Variants in ANKRD11 observed in about 807,000 individuals in gnomAD.
The protein encoded by ANKRD11 is ankyrin repeat domain-containing protein 11.
A neutral mutation model predicts 195.7 loss-of-function variants in ANKRD11; 17 were observed. That is an observed-to-expected ratio of 0.09 (90% CI 0.06 to 0.13). The LOEUF (loss-of-function observed/expected upper bound fraction) is 0.13, where lower values mean the gene tolerates loss of function less well. ANKRD11 is among the 10% of genes least tolerant of loss of function. The pLI is 1.00. For missense variants in ANKRD11, 3,735 were observed against 3,566.1 expected (o/e 1.05, Z -1.21); for synonymous variants, 1,953 against 1,528.1 (o/e 1.28, Z -6.49).
intron 2 of ANKRD11, among the ~76,000 whole-genome samples, chr16:89,400,892 C>T (rs1032172109): frequency 2.6e-5 from 4 of 152,112 alleles, no homozygotes; most frequent in African/African-American, 7.2e-5. Flanking sequence ...GGACGCCTGT[C>T]GCCCTCCACC....
chr16:89,439,849 A>G (rs976800104), intron 1 of ANKRD11, among the ~76,000 whole-genome samples: 2 of 152,316 alleles, frequency 1.3e-5, no homozygotes, highest in Middle Eastern at 3.4e-3. Flanking sequence ...CTGTAAGCTC[A>G]ACTCTAACAC....
intron 4 of ANKRD11, chr16:89,300,578 G>C (rs1424286113): frequency 1.0e-5 from 4 of 391,208 alleles, no homozygotes; most frequent in African/African-American, 8.4e-5. Context: ...CACTGGGCAA[G>C]GTCTGGCATT....
chr16:89,387,621 C>T (rs1456671833), intron 2 of ANKRD11, among the ~76,000 whole-genome samples: 4 of 146,122 alleles, frequency 2.7e-5, no homozygotes, highest in South Asian at 4.3e-4. Flanking sequence ...TGCAGTGAGC[C>T]GAGACTGCAC....
At chr16:89,301,084 C>T (rs1026176760) in intron 4 of ANKRD11, 10 of 533,684 alleles carry the variant, frequency 1.9e-5, no homozygotes, top group Admixed American at 1.5e-4. Flanking sequence ...CAAAAACATT[C>T]GCTGGTTGAC....
chr16:89,423,194 G>A (rs971613772), intron 1 of ANKRD11, among the ~76,000 whole-genome samples: 1 of 152,222 alleles, frequency 6.6e-6, no homozygotes, highest in Non-Finnish European at 1.5e-5. Context: ...TCCCTACACT[G>A]GCCTTGGTCT....
chr16:89,388,700 C>A (rs1597244334), intron 2 of ANKRD11, among the ~76,000 whole-genome samples: 2 of 152,116 alleles, frequency 1.3e-5, no homozygotes, highest in Non-Finnish European at 2.9e-5. Flanking sequence ...GCGGACAGGA[C>A]GTCATCCACA....
chr16:89,290,338 CGGGGGAGGCTCAGGGCTCCAATG>C (rs2034964220), intron 6 of ANKRD11, among the ~76,000 whole-genome samples: 4 of 43,910 alleles, frequency 9.1e-5, no homozygotes, highest in East Asian at 1.0e-3. Flanking sequence ...AGGGCTCCAG[CGGGGGAGGCTCAGGGCTCCAATG>C]GGGGGAGGCT....
rs1486027346 is a variant in ANKRD11 at position 89,338,831 on chromosome 16, A to T, written c.-59-21753T>A. Among the ~76,000 whole-genome samples, 6 of 152,298 alleles carry T rather than the reference A, an allele frequency of 3.9e-5. No homozygotes were observed. In the South Asian group the frequency reaches 1.2e-3, roughly 32 times the overall value. On this transcript the variant is annotated intron_variant, in intron 2 of 12. Coordinates refer to ENST00000301030, the MANE Select transcript of ANKRD11 (RefSeq NM_013275.6). ...GCATTTAGAAAATCAGCCAGGCAAA[A>T]CAATCATTTCCCTTTCTTAGCTAAA...
chr16:89,398,487 C>T (rs532499575), intron 2 of ANKRD11, among the ~76,000 whole-genome samples: 99 of 152,132 alleles, frequency 6.5e-4, no homozygotes, highest in Middle Eastern at 3.4e-3. Flanking sequence ...GGAAGGCTGA[C>T]ATGAGGACTG....
At position 89,284,190 on chromosome 16, in the gene ANKRD11, C is replaced by T. The variant is rs753839568; in HGVS notation, c.2352G>A (p.Glu784=). Residue 784 remains glutamate (E), a synonymous_variant, in exon 9 of 13, where the codon GAG becomes GAA. Transcript: ENST00000301030. The part of the protein sequence containing the change: ...SKLEKKNDLK[E]DKISKEKEKI... ...TCTCCTTCTCTTTTGAAATTTTGTC[C>T]TCTTTTAAATCATTCTTCTTCTCTA... 10 of 1,606,366 alleles carry T rather than the reference C, an allele frequency of 6.2e-6. No homozygotes were observed. The highest frequency in any genetic ancestry group is 1.1e-5 in the South Asian group (1 of 88,018).
rs868700923 is a variant in ANKRD11 at position 89,490,040 on chromosome 16, G to C, written c.-145+205C>G. Among the ~76,000 whole-genome samples, 839 of 109,380 alleles carry C rather than the reference G, an allele frequency of 7.7e-3. 37 individuals carry two copies. Among genetic ancestry groups the C allele is most frequent in the Admixed American group, 0.065 (678 of 10,376 alleles). The allele number at this position is 109,380 out of a possible 152,430, so 71.8% of individuals were successfully genotyped here. The stretch of plus-strand genomic sequence containing the variant: ...CCCCGGCTGCCCCGAACCCGGACCC[G>C]TAGGCCCGCTCCGGGACCCATTATT... On this transcript the variant is annotated intron_variant, in intron 1 of 12. Coordinates refer to ENST00000301030, the MANE Select transcript of ANKRD11 (RefSeq NM_013275.6).
chr16:89,489,865 G>C (rs1261838552), intron 1 of ANKRD11, among the ~76,000 whole-genome samples: 1 of 125,682 alleles, frequency 8.0e-6, no homozygotes, highest in African/African-American at 3.1e-5. Context: ...CCCCCAATCG[G>C]CCCCTCAGAG....
At chr16:89,451,411 C>CTTTTTTT (rs66712285) in intron 1 of ANKRD11, among the ~76,000 whole-genome samples, 2 of 130,192 alleles carry the variant, frequency 1.5e-5, no homozygotes, top group African/African-American at 2.9e-5. Flanking sequence ...TCACAAATTA[C>CTTTTTTT]TTTTTTTTTT....
chr16:89,360,477 A>G (rs2152056186), intron 2 of ANKRD11: 1 of 152,372 alleles, frequency 6.6e-6, no homozygotes, highest in African/African-American at 2.4e-5. Flanking sequence ...ACTATATACC[A>G]CAAATCCTAC....
intron 1 of ANKRD11, chr16:89,420,353 G>T (rs920638864): frequency 6.6e-6 from 1 of 152,186 alleles, no homozygotes. Flanking sequence ...GTTGAGCAGC[G>T]TCGGTCTTCT....
At chr16:89,272,075 C>A in intron 11 of ANKRD11, 1 of 152,034 alleles carries the variant, frequency 6.6e-6, no homozygotes, top group East Asian at 1.9e-4. Flanking sequence ...ATCAAAAAAA[C>A]GGGCAAAAGA....
intron 2 of ANKRD11, among the ~76,000 whole-genome samples, chr16:89,377,127 C>G (rs2040455560): frequency 6.6e-6 from 1 of 152,200 alleles, no homozygotes. Flanking sequence ...TCCCCCAGAA[C>G]CCCGTGAGTT....
intron 7 of ANKRD11, chr16:89,286,999 T>A (rs755686660): frequency 7.8e-7 from 1 of 1,289,630 alleles, no homozygotes; most frequent in South Asian, 1.2e-5. Context: ...AGTACAGAGT[T>A]CTTATGTGTG....
chr16:89,283,397 C>A lies in ANKRD11; in HGVS notation c.3145G>T (p.Asp1049Tyr). 1 of 1,613,994 alleles carries A rather than the reference C, an allele frequency of 6.2e-7. No individual in the cohort carries two copies. The highest frequency in any genetic ancestry group is 2.2e-5 in the East Asian group (1 of 44,882). ...TTAAAACATTTATCAAATTCTTTGT[C>A]CTTCTGACATTTTTCCAGGATTGAT... ...EKSILEKCQK[D>Y]KEFDKCFKEK... The change falls in exon 9 of 13, where the codon GAC becomes TAC. Residue 1049 changes from aspartate (D) to tyrosine (Y), a missense_variant. Asp to Tyr is a radical substitution (Grantham distance 160, BLOSUM62 -3). Coordinates refer to ENST00000301030, the MANE Select transcript of ANKRD11 (RefSeq NM_013275.6). This position sits in a 1 kb window ranked among gnomAD's most constrained non-coding sequence, Gnocchi z 4.3.
Sources: gnomAD v4.1 joint callset for allele counts (sites outside exome capture counted in the v4.1 genomes callset) on GRCh38, gnomAD v4.1.1 for gene constraint, Gnocchi (gnomAD v3.1) non-coding constraint, MANE v1.5 for transcripts, NCBI Gene and HGNC (gene_info 2026-07-23, HGNC 2026-07-21) for gene names.